The following ERI3 variants were observed in gnomAD, a reference collection of about 807,000 sequenced individuals.
The protein encoded by ERI3 is ERI1 exoribonuclease family member 3.
A neutral mutation model predicts 44.4 loss-of-function variants in ERI3; 18 were observed. That is an observed-to-expected ratio of 0.41 (90% CI 0.28 to 0.60). The LOEUF is 0.60. Among genes scored for constraint, ERI3 ranks in the 20% least tolerant of loss-of-function variants. The probability of loss-of-function intolerance (pLI) is 0.36; values close to 1 mark genes in which losing one functional copy is unlikely to be tolerated. For synonymous variants in ERI3, 183 were observed against 164.8 expected (o/e 1.11, Z -0.84); for missense variants, 294 against 435.5 (o/e 0.68, Z 2.89).
intron 8 of ERI3, among the ~76,000 whole-genome samples, chr1:44,222,242 A>C (rs550498104): frequency 6.6e-6 from 1 of 152,336 alleles, no homozygotes; most frequent in East Asian, 1.9e-4. Flanking sequence ...TTGTGTGCTC[A>C]AACAGCAGCT....
chr1:44,284,841 C>T lies in ERI3; in HGVS notation c.825G>A (p.Leu275=), dbSNP rs748279881. 6.2e-7 allele frequency: 1 copy of T among 1,613,830 alleles called. No homozygotes were observed. Among genetic ancestry groups the T allele is most frequent in the African/African-American group, 1.3e-5 (1 of 74,920 alleles). The change falls in exon 7 of 9, where the codon CTG becomes CTA. Residue 275 remains leucine (L), a synonymous_variant. Transcript: ENST00000372257. ...VADYFKQWIN[L]KKAYSFAMGC... Reference sequence around the variant, plus strand: ...TGGGGCTCAGACACAGTACCTTTTTCAGATTAATCCACTGCTTGAAGTAAT... The same window carrying T: ...TGGGGCTCAGACACAGTACCTTTTTTAGATTAATCCACTGCTTGAAGTAAT...
At chr1:44,293,424 G>A (rs1260257418) in intron 6 of ERI3, among the ~76,000 whole-genome samples, 1 of 152,226 alleles carries the variant, frequency 6.6e-6, no homozygotes, top group Non-Finnish European at 1.5e-5. Context: ...GGCAGGGAGA[G>A]ATGACCAGCT....
At chr1:44,233,111 T>C (rs1468531285) in intron 8 of ERI3, among the ~76,000 whole-genome samples, 4 of 152,222 alleles carry the variant, frequency 2.6e-5, no homozygotes, top group Non-Finnish European at 4.4e-5. Flanking sequence ...TATAGACTAG[T>C]GCCACTTACA....
intron 1 of ERI3, chr1:44,353,161 A>G (rs1309963029): frequency 1.0e-6 from 1 of 985,238 alleles, no homozygotes; most frequent in Non-Finnish European, 1.2e-6. Flanking sequence ...TAGAAACACT[A>G]AACATTTACC....
At chr1:44,256,725 G>A (rs554107767) in intron 7 of ERI3, 1 of 152,350 alleles carries the variant, frequency 6.6e-6, no homozygotes, top group East Asian at 1.9e-4. Context: ...TGGTACTGGG[G>A]GTCCCAGGAG....
intron 6 of ERI3, among the ~76,000 whole-genome samples, chr1:44,290,334 A>C (rs754938944): frequency 6.6e-5 from 10 of 152,176 alleles, no homozygotes; most frequent in Non-Finnish European, 1.3e-4. Flanking sequence ...GCTTGGAGAG[A>C]AGTGGGCCAG....
Position 44,339,181 on chromosome 1 carries a change from A to G in ERI3, c.353T>C (p.Ile118Thr), listed in dbSNP as rs1646597163. 6.2e-7 allele frequency: 1 copy of G among 1,614,112 alleles called. No individual in the cohort carries two copies. Among genetic ancestry groups the G allele is most frequent in the East Asian group, 2.2e-5 (1 of 44,882 alleles). Reference protein sequence around the residue: ...SPCGVPEFCSISTRKLAAHGF... With the variant: ...SPCGVPEFCSTSTRKLAAHGF... ...GTGGGCCGCCAGCTTTCTGGTGGAT[A>G]TGGAGCAGAACTCCGGAACACCACA... Residue 118 changes from isoleucine to threonine, a missense_variant, in exon 3 of 9, where the codon ATA (isoleucine) becomes ACA (threonine). Transcript: ENST00000372257.
rs879022067 is a variant in ERI3 at position 44,252,404 on chromosome 1, C to T, written c.832-4366G>A. 2.0e-5 allele frequency among the ~76,000 whole-genome samples: 3 copies of T among 152,232 alleles called. No individual in the cohort carries two copies. The highest frequency in any genetic ancestry group is 1.9e-4 in the East Asian group (1 of 5,196). The stretch of plus-strand genomic sequence containing the variant: ...CATTAGCTTAGTGGCCAGCCATCTG[C>T]GACGGGCCTGCCGCATAGCCCTGCT... On this transcript the variant is annotated intron_variant, in intron 7 of 8. Transcript: ENST00000372257. This position sits in a 1 kb window ranked among gnomAD's most constrained non-coding sequence, Gnocchi z 4.7.
At position 44,235,079 on chromosome 1, in the gene ERI3, AACCACC is replaced by A. The variant is rs911725461; in HGVS notation, c.931+12854_931+12859del. 6.6e-6 allele frequency among the ~76,000 whole-genome samples: 1 copy of A among 152,190 alleles called. No homozygotes were observed. The highest frequency in any genetic ancestry group is 1.5e-5 in the Non-Finnish European group (1 of 68,036). On this transcript the variant is annotated intron_variant, in intron 8 of 8. Coordinates refer to ENST00000372257, the MANE Select transcript of ERI3 (RefSeq NM_024066.3). The surrounding 1 kb of genome is among the most constrained non-coding windows in gnomAD (Gnocchi z 4.6). ...AAAAAGTTTAAGAGTCAAAAATTAA[AACCACC>A]ACCACCAGCACCACTTCCAGTGGCT...
chr1:44,249,059 T>C (rs567095668), intron 7 of ERI3, among the ~76,000 whole-genome samples: 1 of 152,186 alleles, frequency 6.6e-6, no homozygotes, highest in Admixed American at 6.5e-5. Context: ...TAGATCACTA[T>C]GAAGTAGCCA....
intron 6 of ERI3, among the ~76,000 whole-genome samples, chr1:44,298,751 C>T (rs967212573): frequency 1.3e-5 from 2 of 150,576 alleles, no homozygotes; most frequent in South Asian, 4.2e-4. Flanking sequence ...CCCGTCTCCA[C>T]AAAAAAAAAT....
intron 3 of ERI3, among the ~76,000 whole-genome samples, chr1:44,336,255 A>G (rs1646533885): frequency 6.6e-6 from 1 of 152,148 alleles, no homozygotes; most frequent in African/African-American, 2.4e-5. Context: ...AGGACTGACA[A>G]CTTCTCCAAT....
intron 3 of ERI3, among the ~76,000 whole-genome samples, chr1:44,333,386 C>A (rs1646470565): frequency 1.3e-5 from 2 of 152,236 alleles, no homozygotes; most frequent in South Asian, 4.1e-4. Context: ...AGAGGGACCA[C>A]AATCCAAGGA....
At chr1:44,234,274 G>A (rs1218127686) in intron 8 of ERI3, among the ~76,000 whole-genome samples, 1 of 152,078 alleles carries the variant, frequency 6.6e-6, no homozygotes, top group Admixed American at 6.5e-5. Flanking sequence ...CCTGGTCCAG[G>A]CCACCATCAT....
chr1:44,328,488 CTGAAGTCTGAAGTT>C (rs1317997274), intron 3 of ERI3, among the ~76,000 whole-genome samples: 1 of 152,140 alleles, frequency 6.6e-6, no homozygotes, highest in East Asian at 1.9e-4. Context: ...CTGACGCTCG[CTGAAGTCTGAAGTT>C]TGAGAACCGC....
At chr1:44,305,138 T>A (rs2154327269) in intron 6 of ERI3, among the ~76,000 whole-genome samples, 1 of 152,308 alleles carries the variant, frequency 6.6e-6, no homozygotes, top group East Asian at 1.9e-4. Context: ...CTCTTCTCAA[T>A]CTTCCTTCTT....
chr1:44,301,930 C>A (rs547621077), intron 6 of ERI3, among the ~76,000 whole-genome samples: 4 of 152,350 alleles, frequency 2.6e-5, no homozygotes, highest in East Asian at 3.9e-4. Flanking sequence ...ATTCCTCATG[C>A]AAATATCACT....
intron 8 of ERI3, among the ~76,000 whole-genome samples, chr1:44,226,897 G>T (rs1644057650): frequency 6.6e-6 from 1 of 151,772 alleles, no homozygotes; most frequent in Non-Finnish European, 1.5e-5. Context: ...ATTTTTGTGT[G>T]TGGTAAGAAA....
chr1:44,292,649 T>C (rs528544550), intron 6 of ERI3, among the ~76,000 whole-genome samples: 2 of 152,194 alleles, frequency 1.3e-5, no homozygotes, highest in Non-Finnish European at 2.9e-5. Flanking sequence ...TGTGCGTGCA[T>C]GCACACGTGC....
Sources: allele counts gnomAD v4.1 joint callset (sites outside exome capture counted in the v4.1 genomes callset), GRCh38; gene constraint gnomAD v4.1.1; non-coding constraint Gnocchi (gnomAD v3.1); transcripts MANE v1.5; gene names NCBI Gene and HGNC (gene_info 2026-07-23, HGNC 2026-07-21).